Variants in SPAG8 observed in about 807,000 individuals in gnomAD.
SPAG8 encodes sperm-associated antigen 8.
SPAG8 carries 36 observed loss-of-function variants against 45.3 expected under a neutral mutation model. The ratio of observed to expected loss-of-function variants is 0.80; its 90% CI spans 0.61 to 1.05. The LOEUF is 1.05. SPAG8 is among the 50% of genes least tolerant of loss of function. The probability of loss-of-function intolerance (pLI) is 0.00; values close to 1 mark genes in which losing one functional copy is unlikely to be tolerated. For missense variants in SPAG8, 573 were observed against 609.2 expected (o/e 0.94, Z 0.63); for synonymous variants, 227 against 232.6 (o/e 0.98, Z 0.22).
At position 35,810,480 on chromosome 9, in the gene SPAG8, G is replaced by A. The variant is rs747039342; in HGVS notation, c.1159C>T (p.Arg387Ter). ...GTCCCTGCTTGTGCCAGCTCCATTC[G>A]GTAGTCATGGTGTGTCACAGACTCA... Reference protein sequence around the residue: ...EVESVTHHDYRMELAQAGTPA... With the variant: ...EVESVTHHDY Residue 387 changes from arginine (R) to a stop codon, truncating the protein, a stop_gained, in exon 5 of 7, where the codon CGA (arginine) becomes TGA (stop). Transcript: ENST00000396638. LOFTEE classifies it high-confidence loss of function. 1.9e-5 allele frequency: 31 copies of A among 1,614,030 alleles called. No homozygotes were observed. The highest frequency in any genetic ancestry group is 4.5e-5 in the East Asian group (2 of 44,892).
chr9:35,808,556 C>T, downstream of SPAG8: 1 of 1,614,168 alleles, frequency 6.2e-7, no homozygotes, highest in Non-Finnish European at 8.5e-7. The surrounding 1 kb of genome is among the most constrained non-coding windows in gnomAD (Gnocchi z 4.0). Context: ...GCCTCCCAGG[C>T]CGAAATGGTC....
chr9:35,812,040 A>G (rs372922710), intron 1 of SPAG8, 39 bp from the exon 2 acceptor site: 23 of 1,609,854 alleles, frequency 1.4e-5, no homozygotes, highest in Middle Eastern at 3.3e-4. Context: ...TCAAAAGCGC[A>G]GCAGAGGAAG....
downstream of SPAG8, chr9:35,809,668 T>C (rs1828660502): frequency 1.8e-6 from 2 of 1,124,910 alleles, no homozygotes; most frequent in Non-Finnish European, 1.3e-6. The surrounding 1 kb of genome is among the most constrained non-coding windows in gnomAD (Gnocchi z 4.1). Context: ...TCTGTAAATA[T>C]CTGTATCTAA....
downstream of SPAG8, chr9:35,809,084 G>A: frequency 7.2e-7 from 1 of 1,383,974 alleles, no homozygotes; most frequent in Non-Finnish European, 1.0e-6. This position sits in a 1 kb window ranked among gnomAD's most constrained non-coding sequence, Gnocchi z 4.1. Context: ...GTGCTATACA[G>A]TATCACCAAT....
Position 35,811,982 on chromosome 9 carries a change from T to C in SPAG8, c.64A>G (p.Ser22Gly), listed in dbSNP as rs531208035. The C allele has an allele frequency of 2.6e-5, 42 of 1,601,210 alleles. No homozygotes were observed. The Admixed American group carries it at 3.6e-4, about 14-fold the overall frequency. ...GAAGTGGGCCCCAGTCCTTCGGAGC[T>C]GGGCTGTATGTCTAAAGATCTGAAA... ...SRSRSLDIQP[S>G]SEGLGPTSEP... The change falls in exon 2 of 7, where the codon AGC (serine) becomes GGC (glycine). Residue 22 changes from serine to glycine, a missense_variant. Coordinates refer to ENST00000396638, the MANE Select transcript of SPAG8 (RefSeq NM_001039592.2).
rs766177406 is a variant in SPAG8 at position 35,811,071 on chromosome 9, G to A, written c.865-14C>T. On this transcript the variant is annotated splice_polypyrimidine_tract_variant and intron_variant, in intron 2 of 6. Transcript: ENST00000396638. ...GTTGGTGGCTCTCTGTGGATCCCAA[G>A]TTGAATGACTATAATATCCCTTCTG... 5.6e-6 allele frequency: 9 copies of A among 1,610,228 alleles called. No homozygotes were observed. The highest frequency in any genetic ancestry group is 6.8e-6 in the Non-Finnish European group (8 of 1,177,846).
chr9:35,811,884 A>G lies in SPAG8; in HGVS notation c.162T>C (p.Ala54=). ...LAAATAAAAA[A]ASAAAATAAF... ...CTGCAGTAGCTGCAGCAGCTGATGCAGCCGCTGCAGCTGCTGCGGTTGCAG... is the reference window on the plus strand; with the variant it reads ...CTGCAGTAGCTGCAGCAGCTGATGCGGCCGCTGCAGCTGCTGCGGTTGCAG... The change falls in exon 2 of 7, where the codon GCT becomes GCC. Residue 54 remains alanine (A), a synonymous_variant. Coordinates refer to ENST00000396638, the MANE Select transcript of SPAG8 (RefSeq NM_001039592.2). 6.2e-7 allele frequency: 1 copy of G among 1,609,614 alleles called. No individual in the cohort carries two copies. The highest frequency in any genetic ancestry group is 8.5e-7 in the Non-Finnish European group (1 of 1,176,962).
At chr9:35,808,663 T>A (rs149104074), downstream of SPAG8, 149 of 1,614,014 alleles carry the variant, frequency 9.2e-5, no homozygotes, top group Non-Finnish European at 1.2e-4. This position sits in a 1 kb window ranked among gnomAD's most constrained non-coding sequence, Gnocchi z 4.0. Context: ...CAGCTGAGGC[T>A]ACGCATAGGG....
downstream of SPAG8, chr9:35,809,602 C>T (rs746955675): frequency 7.9e-7 from 1 of 1,269,852 alleles, no homozygotes; most frequent in Non-Finnish European, 1.1e-6. This position sits in a 1 kb window ranked among gnomAD's most constrained non-coding sequence, Gnocchi z 4.1. Flanking sequence ...CCCTCTGCAG[C>T]TCAGCCCTGT....
At position 35,809,903 on chromosome 9, in the gene SPAG8, T is replaced by A; in HGVS notation, c.*35A>T. On this transcript the variant is annotated 3_prime_UTR_variant, in exon 7 of 7. Coordinates refer to ENST00000396638, the MANE Select transcript of SPAG8 (RefSeq NM_001039592.2). This position sits in a 1 kb window ranked among gnomAD's most constrained non-coding sequence, Gnocchi z 4.1. ...CCTCTCTAGTGCAGACAGAAATAGA[T>A]TCCATATTCCATACCCCACTTCCCT... The A allele has an allele frequency of 3.2e-6, 5 of 1,540,758 alleles. No homozygotes were observed.
downstream of SPAG8, chr9:35,808,169 C>T: frequency 8.1e-6 from 13 of 1,611,630 alleles, no homozygotes; most frequent in Non-Finnish European, 9.3e-6. This position sits in a 1 kb window ranked among gnomAD's most constrained non-coding sequence, Gnocchi z 4.0. Context: ...CCTGCTTTAC[C>T]TCCTCACCAG....
Position 35,809,987 on chromosome 9 carries a change from C to G in SPAG8, c.1409G>C (p.Cys470Ser). 1 of 1,606,356 alleles carries G rather than the reference C, an allele frequency of 6.2e-7. No homozygotes were observed. The highest frequency in any genetic ancestry group is 8.5e-7 in the Non-Finnish European group (1 of 1,176,140). ...YQLGEISSLP[C>S]PGGRLGGGGG... ...TCCACCACCCAGCCTTCCTCCGGGA[C>G]AGGGAAGGGAAGATATTTCTCCCAA... Residue 470 changes from cysteine (C) to serine (S), a missense_variant, in exon 7 of 7, where the codon TGT becomes TCT. Cys to Ser is a moderately radical substitution (Grantham distance 112, BLOSUM62 -1). Coordinates refer to ENST00000396638, the MANE Select transcript of SPAG8 (RefSeq NM_001039592.2). The surrounding 1 kb of genome is among the most constrained non-coding windows in gnomAD (Gnocchi z 4.1).
At chr9:35,808,642 G>A (rs1828563256), downstream of SPAG8, 2 of 1,613,810 alleles carry the variant, frequency 1.2e-6, no homozygotes, top group East Asian at 2.2e-5. The surrounding 1 kb of genome is among the most constrained non-coding windows in gnomAD (Gnocchi z 4.0). Flanking sequence ...ATCCGCCACC[G>A]ACCCCATGAC....
chr9:35,811,688 A>G lies in SPAG8; in HGVS notation c.358T>C (p.Cys120Arg). 6.2e-7 allele frequency: 1 copy of G among 1,614,246 alleles called. No homozygotes were observed. Among genetic ancestry groups the G allele is most frequent in the South Asian group, 1.1e-5 (1 of 91,084 alleles). The change falls in exon 2 of 7, where the codon TGT (cysteine) becomes CGT (arginine). Residue 120 changes from cysteine to arginine, a missense_variant. Transcript: ENST00000396638. ...GTAGTGCAAGTGTCCTGAGCAATAC[A>G]GGAAACATAGACGGGCTCAAAGCCA... Reference protein sequence around the residue: ...SLGFEPVYVSCIAQDTCTTTD... With the variant: ...SLGFEPVYVSRIAQDTCTTTD...
chr9:35,809,072 C>T (rs1481530602), downstream of SPAG8: 72 of 1,314,128 alleles, frequency 5.5e-5, no homozygotes, highest in East Asian at 1.1e-3. The surrounding 1 kb of genome is among the most constrained non-coding windows in gnomAD (Gnocchi z 4.1). Flanking sequence ...TGGTCGGGCA[C>T]GGTGCTATAC....
At chr9:35,808,045 T>G (rs1828505618), downstream of SPAG8, 6 of 725,576 alleles carry the variant, frequency 8.3e-6, no homozygotes, top group Non-Finnish European at 1.5e-5. This position sits in a 1 kb window ranked among gnomAD's most constrained non-coding sequence, Gnocchi z 4.0. Flanking sequence ...TCACTGTGTA[T>G]TTCCTTAAAA....
rs1563999127 is a variant in SPAG8 at position 35,811,788 on chromosome 9, C to T, written c.258G>A (p.Pro86=). 6.2e-7 allele frequency: 1 copy of T among 1,614,178 alleles called. No individual in the cohort carries two copies. Among genetic ancestry groups the T allele is most frequent in the Non-Finnish European group, 8.5e-7 (1 of 1,180,004 alleles). The stretch of plus-strand genomic sequence containing the variant: ...CCCCAAGAAGGCTGGGGTCAGAGGA[C>T]GGCTCCATGAACTCAGAACAGGGCG... The part of the protein sequence containing the change: ...TPAPCSEFME[P]SSDPSLLGEP... The change falls in exon 2 of 7, where the codon CCG becomes CCA. Residue 86 remains proline (P), a synonymous_variant. Transcript: ENST00000396638.
At chr9:35,809,509 A>G (rs1210350670), downstream of SPAG8, 3 of 1,611,562 alleles carry the variant, frequency 1.9e-6, no homozygotes, top group Admixed American at 3.3e-5. This position sits in a 1 kb window ranked among gnomAD's most constrained non-coding sequence, Gnocchi z 4.1. Context: ...AATGGCCACC[A>G]TGTCTGCACA....
rs770411405 is a variant in SPAG8, at chr9:35,810,439, CT to C, written c.1199del (p.Lys400SerfsTer83). 1 of 1,613,578 alleles carries C rather than the reference CT, an allele frequency of 6.2e-7. No homozygotes were observed. Among genetic ancestry groups the C allele is most frequent in the Admixed American group, 1.7e-5 (1 of 60,022 alleles). The part of the protein sequence containing the change: ...LAQAGTPAPT[K>X]PHDYRQEQPE... ...CGGGGGATGGGGGGTGGGTTCTCACCTTTGTTGGGGCAGGAGTCCCTGCTTG... is the reference window on the plus strand; with the variant it reads ...CGGGGGATGGGGGGTGGGTTCTCACCTTGTTGGGGCAGGAGTCCCTGCTTG... On this transcript the variant is annotated frameshift_variant and splice_region_variant, in exon 5 of 7. Transcript: ENST00000396638. LOFTEE classifies it high-confidence loss of function.
Sources: gnomAD v4.1 joint callset for allele counts on GRCh38, gnomAD v4.1.1 for gene constraint, Gnocchi (gnomAD v3.1) non-coding constraint, MANE v1.5 for transcripts, NCBI Gene and HGNC (gene_info 2026-07-23, HGNC 2026-07-21) for gene names.